Variants in RGS9 observed in about 807,000 individuals in gnomAD.
The protein encoded by RGS9 is regulator of G protein signaling 9, also known as regulator of G-protein signalling 9.
A neutral mutation model predicts 102.0 loss-of-function variants in RGS9; 78 were observed. The observed-to-expected ratio is 0.76, with a 90% CI of 0.64 to 0.92. RGS9 has a LOEUF of 0.92. Ranked by LOEUF, RGS9 falls within the 40% of genes least tolerant of loss-of-function variation. RGS9 has a pLI of 0.00. For synonymous variants in RGS9, 353 were observed against 318.6 expected (o/e 1.11, Z -1.15); for missense variants, 833 against 866.1 (o/e 0.96, Z 0.48).
chr17:65,208,904 T>C (rs1482169203), intron 16 of RGS9, among the ~76,000 whole-genome samples: 1 of 152,090 alleles, frequency 6.6e-6, no homozygotes, highest in Non-Finnish European at 1.5e-5. Context: ...AATGGCCCTG[T>C]TATGAAAAGG....
chr17:65,176,769 G>A (rs539118648), intron 8 of RGS9, among the ~76,000 whole-genome samples: 4 of 122,572 alleles, frequency 3.3e-5, no homozygotes, highest in South Asian at 2.9e-4. Flanking sequence ...CCACCCATCC[G>A]TCTATCTCTT....
At chr17:65,214,967 A>T (rs1913433009) in intron 17 of RGS9, among the ~76,000 whole-genome samples, 1 of 152,238 alleles carries the variant, frequency 6.6e-6, no homozygotes, top group Admixed American at 6.5e-5. Context: ...CACTGTATCG[A>T]AACATTGTTT....
intron 7 of RGS9, among the ~76,000 whole-genome samples, chr17:65,167,606 A>G (rs1263616462): frequency 6.6e-6 from 1 of 151,910 alleles, no homozygotes; most frequent in Non-Finnish European, 1.5e-5. Flanking sequence ...AGGAGAGAGG[A>G]CTCCCCAGGC....
intron 1 of RGS9, 73 bp from the exon 2 acceptor site, chr17:65,153,349 T>A (rs1360786938): frequency 7.9e-7 from 1 of 1,267,702 alleles, no homozygotes; most frequent in African/African-American, 1.5e-5. Context: ...TCCCTCTCAG[T>A]GCAGTGGAAA....
chr17:65,146,319 G>T (rs1910356988), intron 1 of RGS9, among the ~76,000 whole-genome samples: 1 of 152,198 alleles, frequency 6.6e-6, no homozygotes, highest in Non-Finnish European at 1.5e-5. Context: ...GCCTGGCGTG[G>T]TGGCTCACGC....
chr17:65,216,501 G>T (rs2144120794), intron 17 of RGS9, among the ~76,000 whole-genome samples: 1 of 152,308 alleles, frequency 6.6e-6, no homozygotes, highest in Admixed American at 6.5e-5. Flanking sequence ...GCCGGGCGTG[G>T]TGGCAGGCGC....
At chr17:65,210,783 T>A (rs960650442) in intron 17 of RGS9, 178 bp downstream of exon 17, 1 of 1,042,148 alleles carries the variant, frequency 9.6e-7, no homozygotes, top group Non-Finnish European at 1.4e-6. Flanking sequence ...CCCATACTCC[T>A]CTAACTTTCT....
chr17:65,140,977 G>A (rs1910136074), intron 1 of RGS9, among the ~76,000 whole-genome samples: 1 of 152,112 alleles, frequency 6.6e-6, no homozygotes, highest in South Asian at 2.1e-4. Context: ...ATCCTCCTGT[G>A]CCCCTGCAGC....
chr17:65,157,993 C>T (rs139112327), intron 2 of RGS9, among the ~76,000 whole-genome samples: 1 of 152,144 alleles, frequency 6.6e-6, no homozygotes, highest in Admixed American at 6.5e-5. Context: ...TACAAGTTAT[C>T]GTCAGGTAAA....
chr17:65,202,442 T>TGA (rs1469082540), intron 14 of RGS9, among the ~76,000 whole-genome samples: 86 of 123,236 alleles, frequency 7.0e-4, no homozygotes, highest in Admixed American at 2.6e-3. Flanking sequence ...TGTGTGTGTG[T>TGA]GTGAGAGAGA....
At chr17:65,145,324 C>T (rs1483710958) in intron 1 of RGS9, among the ~76,000 whole-genome samples, 1 of 151,994 alleles carries the variant, frequency 6.6e-6, no homozygotes, top group Non-Finnish European at 1.5e-5. Flanking sequence ...AACTCCTGAC[C>T]TCATGATCCA....
intron 6 of RGS9, among the ~76,000 whole-genome samples, chr17:65,161,978 G>T (rs1240490425): frequency 6.6e-6 from 1 of 152,012 alleles, no homozygotes; most frequent in Admixed American, 6.5e-5. Flanking sequence ...GATTACAGGC[G>T]TGAGCCACCA....
At chr17:65,203,680 G>T (rs1342785446) in intron 14 of RGS9, among the ~76,000 whole-genome samples, 1 of 152,198 alleles carries the variant, frequency 6.6e-6, no homozygotes, top group African/African-American at 2.4e-5. Context: ...CAGCGGGTCA[G>T]ACCTCTGGGT....
chr17:65,197,337 G>T, intron 13 of RGS9, 96 bp downstream of exon 13: 1 of 837,602 alleles, frequency 1.2e-6, no homozygotes. Context: ...CTCAGCAGAT[G>T]TTTTCAGAGC....
chr17:65,176,911 C>A lies in RGS9; in HGVS notation c.583-821C>A, dbSNP rs180705019. Among the ~76,000 whole-genome samples the A allele has an allele frequency of 2.6e-5, 4 of 151,146 alleles. 1 individual carries two copies. The East Asian group carries it at 7.7e-4, about 29-fold the overall frequency. The stretch of plus-strand genomic sequence containing the variant: ...CCATCCATCCATCCATCCATCCATC[C>A]ATCTCTTCACCCATCCACTCACCAT... On this transcript the variant is annotated intron_variant, in intron 8 of 18. Transcript: ENST00000262406.
chr17:65,153,752 T>C (rs1240541914), intron 2 of RGS9, among the ~76,000 whole-genome samples: 2 of 152,080 alleles, frequency 1.3e-5, no homozygotes, highest in Non-Finnish European at 2.9e-5. Context: ...TAGCTGGGCA[T>C]GGTGGCAGGT....
At chr17:65,150,922 A>G (rs940723360) in intron 1 of RGS9, among the ~76,000 whole-genome samples, 3 of 152,236 alleles carry the variant, frequency 2.0e-5, no homozygotes, top group Admixed American at 6.5e-5. Context: ...CCAGGGGAAC[A>G]TGAAGTTTGA....
chr17:65,207,306 C>T (rs1215241584), intron 15 of RGS9, among the ~76,000 whole-genome samples: 1 of 152,170 alleles, frequency 6.6e-6, no homozygotes, highest in African/African-American at 2.4e-5. Flanking sequence ...CTGAACCACT[C>T]CAAGGTGGAT....
intron 1 of RGS9, among the ~76,000 whole-genome samples, chr17:65,152,197 C>A (rs781038743): frequency 3.3e-5 from 5 of 152,116 alleles, no homozygotes; most frequent in Non-Finnish European, 7.3e-5. Context: ...TGGTCTCTTG[C>A]GAAGACTGGC....
Sources: gnomAD v4.1 joint callset for allele counts (sites outside exome capture counted in the v4.1 genomes callset) on GRCh38, gnomAD v4.1.1 for gene constraint, MANE v1.5 for transcripts, NCBI Gene and HGNC (gene_info 2026-07-23, HGNC 2026-07-21) for gene names.